USP13: variants seen among roughly 807,000 people sequenced by gnomAD.
USP13 encodes ubiquitin carboxyl-terminal hydrolase 13.
A neutral mutation model predicts 107.8 loss-of-function variants in USP13; 68 were observed. The observed-to-expected ratio is 0.63, with a 90% CI of 0.52 to 0.77. The LOEUF is 0.77. Ranked by LOEUF, USP13 falls within the 30% of genes least tolerant of loss-of-function variation. The pLI, the probability that USP13 is intolerant of heterozygous loss-of-function variation, is 0.00. For synonymous variants in USP13, 377 were observed against 389.5 expected (o/e 0.97, Z 0.38); for missense variants, 945 against 1,093.3 (o/e 0.86, Z 1.91).
At chr3:179,683,294 ATTAG>A (rs796660748) in intron 2 of USP13, among the ~76,000 whole-genome samples, 92 of 151,676 alleles carry the variant, frequency 6.1e-4, no homozygotes, top group African/African-American at 2.2e-3. Context: ...TAAGTTTTGA[ATTAG>A]TTAGATTTAT....
chr3:179,729,041 A>G (rs765209356), intron 8 of USP13, among the ~76,000 whole-genome samples: 7 of 152,048 alleles, frequency 4.6e-5, no homozygotes, highest in African/African-American at 7.2e-5. Flanking sequence ...TTACCCAAAC[A>G]CTTGTTAAAG....
chr3:179,659,246 A>G (rs1184867073), intron 1 of USP13, among the ~76,000 whole-genome samples: 1 of 152,128 alleles, frequency 6.6e-6, no homozygotes, highest in Admixed American at 6.5e-5. Context: ...TTGTGGGAAC[A>G]CTTCATGTTA....
At chr3:179,704,569 C>T (rs980872216) in intron 4 of USP13, among the ~76,000 whole-genome samples, 5 of 152,132 alleles carry the variant, frequency 3.3e-5, no homozygotes, top group African/African-American at 1.2e-4. Context: ...CTGGGCTACT[C>T]ACAGTCAGGA....
chr3:179,696,104 A>G (rs1219608353), intron 3 of USP13, among the ~76,000 whole-genome samples: 2 of 152,212 alleles, frequency 1.3e-5, no homozygotes, highest in Admixed American at 1.3e-4. Flanking sequence ...GTGAAAATCA[A>G]TGTGAAATAG....
intron 11 of USP13, among the ~76,000 whole-genome samples, chr3:179,741,277 A>G (rs1202440052): frequency 6.6e-6 from 1 of 152,072 alleles, no homozygotes; most frequent in Non-Finnish European, 1.5e-5. Flanking sequence ...GTGCAGTGGC[A>G]CGATCTTGGC....
At chr3:179,660,906 AT>A (rs1720438503) in intron 1 of USP13, among the ~76,000 whole-genome samples, 1 of 152,218 alleles carries the variant, frequency 6.6e-6, no homozygotes, top group Non-Finnish European at 1.5e-5. Flanking sequence ...TCGAGCAGTG[AT>A]TCTCAAGCTT....
chr3:179,732,747 A>C (rs74592715), intron 10 of USP13, among the ~76,000 whole-genome samples: 12,601 of 151,980 alleles, frequency 0.083, 621 homozygotes, highest in Middle Eastern at 0.19. Context: ...TTTTATGTTA[A>C]AAAAAGTAGT....
intron 3 of USP13, among the ~76,000 whole-genome samples, chr3:179,700,188 C>T (rs4854948): frequency 0.89 from 135,994 of 152,060 alleles, 61,139 homozygotes; most frequent in Non-Finnish European, 0.94. Context: ...AGGGGACGAC[C>T]TGATAGGTAA....
In USP13 at chr3:179,784,509, A is replaced by G. The variant is rs1715860563; in HGVS notation, c.*368A>G. The G allele has an allele frequency of 1.2e-5, 2 of 170,274 alleles. No homozygotes were observed. The highest frequency in any genetic ancestry group is 1.6e-4 in the East Asian group (1 of 6,152). The allele number at this position is 170,274 out of a possible 1,614,324, so 10.5% of individuals were successfully genotyped here. A position where few individuals can be genotyped will look rare whatever the true frequency, so the allele number is the denominator to read the frequency against. On this transcript the variant is annotated 3_prime_UTR_variant, in exon 21 of 21. Transcript: ENST00000263966. ...GTGATAGTGGCCTCTGGAGAAACCAAATAATGTGGCCAGTGGTGTGGCCTT... is the reference window on the plus strand; with the variant it reads ...GTGATAGTGGCCTCTGGAGAAACCAGATAATGTGGCCAGTGGTGTGGCCTT...
intron 8 of USP13, among the ~76,000 whole-genome samples, chr3:179,728,344 G>A (rs1333291980): frequency 4.6e-4 from 69 of 148,634 alleles, no homozygotes; most frequent in Admixed American, 4.4e-3. Flanking sequence ...ATCCCGGACG[G>A]GGCGGCAGGG....
At chr3:179,668,676 C>A (rs1720656430) in intron 1 of USP13, among the ~76,000 whole-genome samples, 1 of 152,142 alleles carries the variant, frequency 6.6e-6, no homozygotes, top group Non-Finnish European at 1.5e-5. Flanking sequence ...CCTGCCTTGG[C>A]CTCCCAAAGT....
In USP13 at chr3:179,719,979, C is replaced by A. The variant is rs777345958; in HGVS notation, c.845C>A (p.Pro282His). 15 of 1,613,988 alleles carry A rather than the reference C, an allele frequency of 9.3e-6. No individual in the cohort carries two copies. Among genetic ancestry groups the A allele is most frequent in the Non-Finnish European group, 1.2e-5 (14 of 1,179,954 alleles). Residue 282 changes from proline (P) to histidine (H), a missense_variant, in exon 7 of 21, where the codon CCT (proline) becomes CAT (histidine). By Grantham distance (77) the Pro-to-His change is moderately conservative. Coordinates refer to ENST00000263966, the MANE Select transcript of USP13 (RefSeq NM_003940.3). ...SFQEEEPVLDPHLAKHLAHFG... is the reference protein window; with the variant it reads ...SFQEEEPVLDHHLAKHLAHFG... The stretch of plus-strand genomic sequence containing the variant: ...CAAGAAGAAGAACCTGTTTTGGATC[C>A]TCATTTGGCCAAGCACTTAGCGCAT...
intron 8 of USP13, among the ~76,000 whole-genome samples, chr3:179,723,630 T>G (rs892553743): frequency 6.6e-6 from 1 of 152,138 alleles, no homozygotes; most frequent in Non-Finnish European, 1.5e-5. Flanking sequence ...GTTTCAAGAG[T>G]CTTAGAATTT....
At chr3:179,682,910 G>T (rs1278271332) in intron 2 of USP13, among the ~76,000 whole-genome samples, 4 of 152,098 alleles carry the variant, frequency 2.6e-5, no homozygotes, top group Non-Finnish European at 5.9e-5. Context: ...CAGAGTGATT[G>T]TACCTATTTA....
rs1715959921 is a variant in USP13, at chr3:179,787,924, CT to C, written c.*3786del. On this transcript the variant is annotated 3_prime_UTR_variant, in exon 21 of 21. Coordinates refer to ENST00000263966, the MANE Select transcript of USP13 (RefSeq NM_003940.3). ...TTTTTTCTACTCTTGAAAAAAACAACTTTCTAGTCCATGAGGTACTTTGGCT... is the reference window on the plus strand; with the variant it reads ...TTTTTTCTACTCTTGAAAAAAACAACTTCTAGTCCATGAGGTACTTTGGCT... 1 of 152,184 alleles carries C rather than the reference CT, an allele frequency of 6.6e-6. No individual in the cohort carries two copies. The highest frequency in any genetic ancestry group is 1.5e-5 in the Non-Finnish European group (1 of 68,044). The allele number at this position is 152,184 out of a possible 1,614,324, so 9.4% of individuals were successfully genotyped here.
chr3:179,712,444 CT>C (rs148139112), intron 6 of USP13, among the ~76,000 whole-genome samples: 10 of 151,764 alleles, frequency 6.6e-5, no homozygotes, highest in African/African-American at 1.2e-4. Flanking sequence ...AGTCTTTTCT[CT>C]TTTTTTTAAA....
intron 2 of USP13, among the ~76,000 whole-genome samples, chr3:179,684,270 TACACACACACACACACACACAC>T (rs58817778): frequency 8.6e-6 from 1 of 115,946 alleles, no homozygotes; most frequent in African/African-American, 3.3e-5. Flanking sequence ...TATCACCCTT[TACACACACACACACACACACAC>T]ACACACACAC....
chr3:179,686,220 A>G (rs370421501), intron 2 of USP13, among the ~76,000 whole-genome samples: 2 of 152,106 alleles, frequency 1.3e-5, no homozygotes, highest in East Asian at 3.9e-4. Context: ...CATACTCATA[A>G]AATTATCTTG....
intron 3 of USP13, 38 bp from the exon 4 acceptor site, chr3:179,700,970 T>C: frequency 6.3e-7 from 1 of 1,591,842 alleles, no homozygotes; most frequent in Middle Eastern, 1.7e-4. Flanking sequence ...GATATTATTT[T>C]CCTCACTTCT....
Sources: allele counts gnomAD v4.1 joint callset (sites outside exome capture counted in the v4.1 genomes callset), GRCh38; gene constraint gnomAD v4.1.1; transcripts MANE v1.5; gene names NCBI Gene and HGNC (gene_info 2026-07-23, HGNC 2026-07-21).